The following IL10RB variants were observed in gnomAD, a reference collection of about 807,000 sequenced individuals.
The protein encoded by IL10RB is interleukin 10 receptor subunit beta.
Under a neutral mutation model 38.7 loss-of-function variants are expected in IL10RB, and 30 were observed. The ratio of observed to expected loss-of-function variants is 0.78; its 90% CI spans 0.58 to 1.05. The LOEUF is 1.05. IL10RB is among the 50% of genes least tolerant of loss of function. The probability of loss-of-function intolerance (pLI) is 0.00; values close to 1 mark genes in which losing one functional copy is unlikely to be tolerated. For synonymous variants in IL10RB, 142 were observed against 145.9 expected (o/e 0.97, Z 0.19); for missense variants, 328 against 397.1 (o/e 0.83, Z 1.48).
chr21:33,301,980 T>C (rs1270906005), downstream of IL10RB, among the ~76,000 whole-genome samples: 1 of 152,208 alleles, frequency 6.6e-6, no homozygotes. Context: ...GACCTGCTTC[T>C]ACCCATGGAA....
downstream of IL10RB, among the ~76,000 whole-genome samples, chr21:33,299,606 C>T (rs1465401326): frequency 1.3e-5 from 2 of 152,218 alleles, no homozygotes; most frequent in Admixed American, 1.3e-4. Flanking sequence ...CTCCAGGGCA[C>T]CTTTGTTCCT....
chr21:33,308,722 A>AGT (rs945456394), intron 1 of IL10RB: 1 of 152,224 alleles, frequency 6.6e-6, no homozygotes, highest in African/African-American at 2.4e-5. Context: ...TGGCTCTCAA[A>AGT]GTGTGTTTCC....
At chr21:33,280,416 C>G (rs1323960412) in intron 4 of IL10RB, among the ~76,000 whole-genome samples, 1 of 152,066 alleles carries the variant, frequency 6.6e-6, no homozygotes, top group Non-Finnish European at 1.5e-5. Context: ...CTTTCTTGAC[C>G]CCAGCCTCCT....
chr21:33,288,366 C>T, intron 6 of IL10RB, 105 bp downstream of exon 6: 3 of 766,440 alleles, frequency 3.9e-6, no homozygotes, highest in Admixed American at 2.0e-5. Context: ...TCCAGGAAAA[C>T]ACACACGCGC....
rs549848326 is a variant in IL10RB, at chr21:33,270,198, A to T, written c.173+1681A>T. On this transcript the variant is annotated intron_variant, in intron 2 of 6. Coordinates refer to ENST00000290200, the MANE Select transcript of IL10RB (RefSeq NM_000628.5). Reference sequence around the variant, plus strand: ...TGAAGGAGGGCATACTCTATAATTAATTTTTTTCCTGATGTGCATTTTCTA... The same window carrying T: ...TGAAGGAGGGCATACTCTATAATTATTTTTTTTCCTGATGTGCATTTTCTA... Among the ~76,000 whole-genome samples, 1,040 of 151,952 alleles carry T rather than the reference A, an allele frequency of 6.8e-3. 7 individuals carry two copies. The highest frequency in any genetic ancestry group is 0.012 in the Non-Finnish European group (792 of 67,942).
At chr21:33,273,883 A>G (rs1989124772) in intron 2 of IL10RB, among the ~76,000 whole-genome samples, 1 of 152,234 alleles carries the variant, frequency 6.6e-6, no homozygotes, top group Non-Finnish European at 1.5e-5. Context: ...ATTCAGTCGC[A>G]TCTTCGGGTT....
At chr21:33,276,855 A>G (rs1281173468) in intron 3 of IL10RB, 102 bp downstream of exon 3, 5 of 910,210 alleles carry the variant, frequency 5.5e-6, no homozygotes, top group Middle Eastern at 2.2e-4. Flanking sequence ...GGGCCCACAA[A>G]TGGATGGCCT....
intron 1 of IL10RB, among the ~76,000 whole-genome samples, chr21:33,266,777 G>C (rs567372166): frequency 3.3e-5 from 5 of 152,310 alleles, no homozygotes; most frequent in African/African-American, 1.2e-4. Context: ...GGCGTCTTTT[G>C]ATTCCCTGTC....
chr21:33,297,937 G>T (rs2409485), downstream of IL10RB, among the ~76,000 whole-genome samples: 82,540 of 152,034 alleles, frequency 0.54, 22,660 homozygotes, highest in Middle Eastern at 0.62. Flanking sequence ...TGAAGGAACT[G>T]TGGAGGCTGG....
intron 3 of IL10RB, among the ~76,000 whole-genome samples, chr21:33,277,668 C>CTTTTTTTTTT (rs1216043179): frequency 2.2e-3 from 209 of 92,942 alleles, no homozygotes; most frequent in Non-Finnish European, 3.1e-3. Context: ...TTCTTTCTTT[C>CTTTTTTTTTT]TTTTTTTTTT....
chr21:33,272,866 G>C (rs1262211433), intron 2 of IL10RB, among the ~76,000 whole-genome samples: 4 of 152,196 alleles, frequency 2.6e-5, no homozygotes, highest in East Asian at 1.9e-4. Flanking sequence ...CATCCAACAG[G>C]CATGTCCAAA....
At chr21:33,300,359 T>C (rs372542730), downstream of IL10RB, among the ~76,000 whole-genome samples, 13 of 151,628 alleles carry the variant, frequency 8.6e-5, no homozygotes, top group African/African-American at 3.1e-4. Flanking sequence ...AAGAATTGTT[T>C]GAACCCGGGA....
downstream of IL10RB, among the ~76,000 whole-genome samples, chr21:33,301,751 A>T (rs1364534305): frequency 6.6e-6 from 1 of 152,246 alleles, no homozygotes; most frequent in African/African-American, 2.4e-5. Context: ...AGTTAAGCAG[A>T]TACTATTATC....
chr21:33,270,711 G>C (rs991415799), intron 2 of IL10RB, among the ~76,000 whole-genome samples: 6 of 145,896 alleles, frequency 4.1e-5, no homozygotes, highest in Admixed American at 7.0e-5. Context: ...GTCTCACTCT[G>C]TCACCAAGGC....
At chr21:33,299,308 G>A, downstream of IL10RB, among the ~76,000 whole-genome samples, 1 of 152,206 alleles carries the variant, frequency 6.6e-6, no homozygotes, top group Non-Finnish European at 1.5e-5. Flanking sequence ...ACCAGGAAGT[G>A]ACTAAGGGAA....
intron 6 of IL10RB, chr21:33,293,907 A>G (rs1436121757): frequency 1.1e-5 from 5 of 447,530 alleles, no homozygotes; most frequent in African/African-American, 6.1e-5. Flanking sequence ...AAGAACAAAG[A>G]ATGAGGGTGG....
intron 1 of IL10RB, among the ~76,000 whole-genome samples, chr21:33,307,295 A>G (rs114368537): frequency 0.01 from 1,549 of 152,316 alleles, 23 homozygotes; most frequent in African/African-American, 0.036. Flanking sequence ...CCTTGAGATC[A>G]AAGCAACCAT....
rs58709699 is a variant in IL10RB, at chr21:33,278,046, CA to C, written c.331+1314del. ...TCTCTACAAAAAACAAAAAAAATAC[CA>C]AAAAAAAAAAAAAAAAAAAATTAGC... On this transcript the variant is annotated intron_variant, in intron 3 of 6. Transcript: ENST00000290200. 3.6e-3 allele frequency among the ~76,000 whole-genome samples: 432 copies of C among 118,902 alleles called. 2 individuals are homozygous for C. Among genetic ancestry groups the C allele is most frequent in the South Asian group, 0.011 (39 of 3,562 alleles). 78.0% of individuals were successfully genotyped at this position (118,902 alleles called of 152,430 possible).
At chr21:33,269,396 A>C (rs961437680) in intron 2 of IL10RB, among the ~76,000 whole-genome samples, 9 of 152,238 alleles carry the variant, frequency 5.9e-5, no homozygotes, top group Non-Finnish European at 1.0e-4. Context: ...TGACTCAGAA[A>C]CATACGAAGA....
Sources: allele counts gnomAD v4.1 joint callset (sites outside exome capture counted in the v4.1 genomes callset), GRCh38; gene constraint gnomAD v4.1.1; transcripts MANE v1.5; gene names NCBI Gene and HGNC (gene_info 2026-07-23, HGNC 2026-07-21).